The following KIF21A variants were observed in gnomAD, a reference collection of about 807,000 sequenced individuals.
The protein encoded by KIF21A is kinesin family member 21A, also known as kinesin-like protein KIF21A.
In KIF21A, 114 loss-of-function variants were observed where a neutral mutation model predicts 202.9. The observed-to-expected ratio is 0.56, with a 90% confidence interval of 0.48 to 0.66. The LOEUF (loss-of-function observed/expected upper bound fraction) is 0.66. Ranked by LOEUF, KIF21A falls within the 30% of genes least tolerant of loss-of-function variation. The pLI is 0.00. For missense variants in KIF21A, 1,677 were observed against 1,994.9 expected (o/e 0.84, Z 3.04); for synonymous variants, 667 against 670.8 (o/e 0.99, Z 0.09).
intron 1 of KIF21A, among the ~76,000 whole-genome samples, chr12:39,397,220 T>A (rs1346110734): frequency 6.6e-6 from 1 of 152,238 alleles, no homozygotes; most frequent in Non-Finnish European, 1.5e-5. Context: ...AAAATACTTG[T>A]TTTGGTTCTT....
intron 1 of KIF21A, among the ~76,000 whole-genome samples, chr12:39,400,409 T>G (rs1162738266): frequency 1.3e-5 from 2 of 152,176 alleles, no homozygotes; most frequent in African/African-American, 4.8e-5. Flanking sequence ...CAGCATCCAT[T>G]AGCTATTCTT....
At chr12:39,402,179 C>A (rs1952217057) in intron 1 of KIF21A, among the ~76,000 whole-genome samples, 1 of 152,012 alleles carries the variant, frequency 6.6e-6, no homozygotes, top group East Asian at 1.9e-4. Context: ...GGAAGAGACA[C>A]CAAAAAATTT....
intron 37 of KIF21A, among the ~76,000 whole-genome samples, chr12:39,298,852 A>T (rs1173872821): frequency 3.3e-5 from 5 of 152,180 alleles, no homozygotes; most frequent in African/African-American, 1.2e-4. Flanking sequence ...GTAAGTTATA[A>T]AGTGCCTCAG....
chr12:39,353,327 A>T (rs1795581525), intron 10 of KIF21A, among the ~76,000 whole-genome samples: 1 of 152,102 alleles, frequency 6.6e-6, no homozygotes, highest in South Asian at 2.1e-4. Context: ...ACCTGGTCCT[A>T]CACATTCTTT....
At position 39,363,029 on chromosome 12, in the gene KIF21A, A is replaced by G. The variant is rs566302602; in HGVS notation, c.1019+69T>C. 7 of 1,023,496 alleles carry G rather than the reference A, an allele frequency of 6.8e-6. No homozygotes were observed. The African/African-American group carries it at 1.1e-4, about 16-fold the overall frequency. The allele number at this position is 1,023,496 out of a possible 1,614,324, so 63.4% of individuals were successfully genotyped here. Reference sequence around the variant, plus strand: ...TTTGCAATAAAAGTAGTTCTTATAAATCATCTTACAAGCTTATTTAATAAT... The same window carrying G: ...TTTGCAATAAAAGTAGTTCTTATAAGTCATCTTACAAGCTTATTTAATAAT... On this transcript the variant is annotated intron_variant, in intron 7 of 37. Transcript: ENST00000361418.
At chr12:39,422,764 A>G (rs146515298) in intron 1 of KIF21A, among the ~76,000 whole-genome samples, 47 of 152,354 alleles carry the variant, frequency 3.1e-4, no homozygotes, top group African/African-American at 1.1e-3. Flanking sequence ...ATCATCCTTC[A>G]ATATAAAAGT....
At position 39,358,311 on chromosome 12, in the gene KIF21A, G is replaced by A; in HGVS notation, c.1082C>T (p.Thr361Ile). The A allele has an allele frequency of 6.2e-7, 1 of 1,614,042 alleles. No individual in the cohort carries two copies. Among genetic ancestry groups the A allele is most frequent in the Non-Finnish European group, 8.5e-7 (1 of 1,179,956 alleles). ...SDRDFMETLNTLKYANRARNI... is the reference protein window; with the variant it reads ...SDRDFMETLNILKYANRARNI... The stretch of plus-strand genomic sequence containing the variant: ...TCTAGCTCGATTGGCGTATTTCAGG[G>A]TGTTTAACGTTTCCATAAAGTCTCT... Residue 361 changes from threonine (T) to isoleucine (I), a missense_variant, in exon 8 of 38, where the codon ACC becomes ATC. This residue lies in a region of KIF21A where 966 missense variants were observed against 1,180.9 expected (regional missense o/e 0.82). Coordinates refer to ENST00000361418, the MANE Select transcript of KIF21A (RefSeq NM_001173464.2).
At chr12:39,351,572 C>A (rs1011622517) in intron 11 of KIF21A, among the ~76,000 whole-genome samples, 1 of 151,786 alleles carries the variant, frequency 6.6e-6, no homozygotes, top group Non-Finnish European at 1.5e-5. Flanking sequence ...AAATTCATTA[C>A]CATGTTATTA....
chr12:39,357,662 C>T (rs190903089), intron 8 of KIF21A, among the ~76,000 whole-genome samples: 3 of 151,892 alleles, frequency 2.0e-5, no homozygotes, highest in Non-Finnish European at 4.4e-5. Flanking sequence ...GTAATCCCAG[C>T]ACTTTGGGAG....
intron 12 of KIF21A, among the ~76,000 whole-genome samples, chr12:39,343,209 A>G (rs1458777519): frequency 6.6e-6 from 1 of 152,056 alleles, no homozygotes; most frequent in African/African-American, 2.4e-5. Context: ...TAAAAATACA[A>G]AACAGCCTGG....
chr12:39,358,077 C>T, intron 8 of KIF21A, 101 bp downstream of exon 8: 1 of 1,032,148 alleles, frequency 9.7e-7, no homozygotes, highest in Non-Finnish European at 1.5e-6. Context: ...ATTATGACAA[C>T]CAAGAGATTC....
intron 28 of KIF21A, 106 bp from the exon 29 acceptor site, chr12:39,318,307 C>T (rs1220090088): frequency 2.0e-6 from 2 of 1,019,014 alleles, no homozygotes; most frequent in East Asian, 5.3e-5. Context: ...TATTAGAGAA[C>T]TCCTTCTTTC....
intron 29 of KIF21A, 60 bp downstream of exon 29, chr12:39,318,013 T>A: frequency 1.3e-6 from 2 of 1,527,722 alleles, no homozygotes; most frequent in Non-Finnish European, 1.8e-6. Context: ...TTCTACAGAC[T>A]GTATTGACAG....
At position 39,355,707 on chromosome 12, in the gene KIF21A, T is replaced by TTATA. The variant is rs10580436; in HGVS notation, c.1469+1121_1469+1124dup. Among the ~76,000 whole-genome samples, 717 of 101,208 alleles carry TTATA rather than the reference T, an allele frequency of 7.1e-3. 47 individuals are homozygous for TTATA. Among genetic ancestry groups the TTATA allele is most frequent in the Middle Eastern group, 0.019 (4 of 206 alleles). The allele number at this position is 101,208 out of a possible 152,430, so 66.4% of individuals were successfully genotyped here. On this transcript the variant is annotated intron_variant, in intron 10 of 37. Transcript: ENST00000361418. ...TACCAAAAACATGAAGCATGAACAATTATATATATATATATATATATATAT... is the reference window on the plus strand; with the variant it reads ...TACCAAAAACATGAAGCATGAACAATTATATATATATATATATATATATATATAT...
chr12:39,326,417 C>G, intron 24 of KIF21A, 93 bp from the exon 25 acceptor site: 2 of 818,410 alleles, frequency 2.4e-6, no homozygotes, highest in Non-Finnish European at 4.2e-6. Context: ...AACAGCTCAA[C>G]ATCTCAATAT....
At chr12:39,317,223 G>A (rs1347453014) in intron 29 of KIF21A, among the ~76,000 whole-genome samples, 3 of 151,820 alleles carry the variant, frequency 2.0e-5, no homozygotes, top group Admixed American at 6.6e-5. Flanking sequence ...TAAAAACTAC[G>A]GTATGATTCT....
intron 32 of KIF21A, 21 bp from the exon 33 acceptor site, chr12:39,309,787 AAAG>A (rs771292260): frequency 6.2e-7 from 1 of 1,600,994 alleles, no homozygotes; most frequent in Non-Finnish European, 8.5e-7. Flanking sequence ...CACATAAAAA[AAAG>A]AAAACACCAT....
intron 37 of KIF21A, among the ~76,000 whole-genome samples, chr12:39,297,717 C>G (rs1175750015): frequency 2.0e-5 from 3 of 150,822 alleles, no homozygotes; most frequent in Non-Finnish European, 4.4e-5. Flanking sequence ...GCACATGTAC[C>G]CTAAAACTTA....
chr12:39,385,101 T>C (rs544660604), intron 1 of KIF21A, among the ~76,000 whole-genome samples: 1 of 152,246 alleles, frequency 6.6e-6, no homozygotes, highest in South Asian at 2.1e-4. Context: ...ACTATTTAAC[T>C]CGAGCAAAGT....
Sources: gnomAD v4.1 joint callset for allele counts (sites outside exome capture counted in the v4.1 genomes callset) on GRCh38, gnomAD v4.1.1 for gene constraint, gnomAD v4.1.1 regional missense constraint, MANE v1.5 for transcripts, NCBI Gene and HGNC (gene_info 2026-07-23, HGNC 2026-07-21) for gene names.